Variants in KANK1 observed in about 807,000 individuals in gnomAD.
KANK1 encodes KN motif and ankyrin repeat domains 1, also known as KN motif and ankyrin repeat domain-containing protein 1.
A neutral mutation model predicts 106.2 loss-of-function variants in KANK1; 109 were observed. The observed-to-expected ratio is 1.03, with a 90% CI of 0.88 to 1.20. KANK1 has a LOEUF of 1.20. Ranked by LOEUF, KANK1 falls within the 50% of genes most tolerant of loss-of-function variation. The pLI, the probability that KANK1 is intolerant of heterozygous loss-of-function variation, is 0.00. For synonymous variants in KANK1, 873 were observed against 652.2 expected (o/e 1.34, Z -5.16); for missense variants, 2,399 against 1,710.7 (o/e 1.40, Z -7.10).
intron 1 of KANK1, among the ~76,000 whole-genome samples, chr9:515,936 T>A (rs1038527565): frequency 6.6e-6 from 1 of 151,804 alleles, no homozygotes; most frequent in Non-Finnish European, 1.5e-5. Flanking sequence ...TGAGATTTCT[T>A]CCTTTAGCTT....
intron 3 of KANK1, among the ~76,000 whole-genome samples, chr9:718,242 C>T (rs1589158804): frequency 6.8e-6 from 1 of 146,960 alleles, no homozygotes; most frequent in African/African-American, 2.5e-5. Flanking sequence ...TAGTGGAAGG[C>T]CTAGAAGTCA....
At chr9:706,142 T>G (rs1395492962) in intron 2 of KANK1, among the ~76,000 whole-genome samples, 1 of 152,208 alleles carries the variant, frequency 6.6e-6, no homozygotes, top group Non-Finnish European at 1.5e-5. Context: ...AATGACACCT[T>G]GAAAACACAT....
At position 472,995 on chromosome 9, in the gene KANK1, G is replaced by A. The variant is rs577526794; in HGVS notation, c.-441-199G>A. Among the ~76,000 whole-genome samples, 8 of 152,338 alleles carry A rather than the reference G, an allele frequency of 5.3e-5. No individual in the cohort carries two copies. The South Asian group carries it at 1.7e-3, about 32-fold the overall frequency. ...TGTTATTCAAGTAAAGCTCACTAAAGCTCTTCATGACAAACGGGTATAGTC... is the reference window on the plus strand; with the variant it reads ...TGTTATTCAAGTAAAGCTCACTAAAACTCTTCATGACAAACGGGTATAGTC... On this transcript the variant is annotated intron_variant, in intron 2 of 15. Coordinates refer to the KANK1 transcript ENST00000382303.
At chr9:527,853 T>C (rs973355320) in intron 1 of KANK1, among the ~76,000 whole-genome samples, 1 of 151,390 alleles carries the variant, frequency 6.6e-6, no homozygotes, top group Non-Finnish European at 1.5e-5. Flanking sequence ...CACTTCTCTT[T>C]AAAAGTTTTT....
chr9:536,033 A>G (rs528888439), intron 1 of KANK1, among the ~76,000 whole-genome samples: 28 of 152,170 alleles, frequency 1.8e-4, no homozygotes, highest in African/African-American at 4.3e-4. Flanking sequence ...AAAACCCACA[A>G]ATTTCATGCT....
intron 1 of KANK1, among the ~76,000 whole-genome samples, chr9:511,581 T>C (rs2059028320): frequency 1.3e-5 from 2 of 150,084 alleles, no homozygotes; most frequent in Admixed American, 1.3e-4. Context: ...CAGTCACCTG[T>C]CCAGACTCAA....
intron 10 of KANK1, among the ~76,000 whole-genome samples, chr9:743,059 G>A (rs1166523281): frequency 6.6e-6 from 1 of 152,144 alleles, no homozygotes; most frequent in Non-Finnish European, 1.5e-5. Context: ...CGTGTCTCTA[G>A]GCCAAAGGAC....
At chr9:482,555 C>G (rs1288051914) in intron 3 of KANK1, among the ~76,000 whole-genome samples, 2 of 152,180 alleles carry the variant, frequency 1.3e-5, no homozygotes, top group Non-Finnish European at 2.9e-5. Context: ...ATAACACATG[C>G]AAAGTCATAC....
rs33935286 is a variant in KANK1, at chr9:714,361, ATTTTTTTTT to A, written c.2698+907_2698+915del. Reference sequence around the variant, plus strand: ...GAGAGAAGGGAGTCTTTTCCCACTCATTTTTTTTTTTTTTTTTTGAGACAGAGTCGCTCT... The same window carrying A: ...GAGAGAAGGGAGTCTTTTCCCACTCATTTTTTTTTGAGACAGAGTCGCTCT... On this transcript the variant is annotated intron_variant, in intron 3 of 11. Coordinates refer to ENST00000382297, the MANE Select transcript of KANK1 (RefSeq NM_015158.5). Among the ~76,000 whole-genome samples, 15 of 128,814 alleles carry A rather than the reference ATTTTTTTTT, an allele frequency of 1.2e-4. 1 individual carries two copies. Among genetic ancestry groups the A allele is most frequent in the Middle Eastern group, 4.0e-3 (1 of 250 alleles). The allele number at this position is 128,814 out of a possible 152,430, so 84.5% of individuals were successfully genotyped here. A position where few individuals can be genotyped will look rare whatever the true frequency, so the allele number is the denominator to read the frequency against.
chr9:731,352 G>GGAA, intron 5 of KANK1, 86 bp downstream of exon 5: 1 of 745,762 alleles, frequency 1.3e-6, no homozygotes, highest in Non-Finnish European at 2.3e-6. Flanking sequence ...GCCTAGTCGG[G>GGAA]GAAGCGGCCA....
chr9:580,448 C>G (rs1256128449), intron 1 of KANK1, among the ~76,000 whole-genome samples: 2 of 151,994 alleles, frequency 1.3e-5, no homozygotes, highest in African/African-American at 4.9e-5. Flanking sequence ...CTGGCCCCAC[C>G]CACATCCTGT....
At chr9:650,686 G>A (rs1040271146) in intron 1 of KANK1, among the ~76,000 whole-genome samples, 1 of 152,040 alleles carries the variant, frequency 6.6e-6, no homozygotes, top group South Asian at 2.1e-4. Context: ...TAGAGGTTAG[G>A]GTGAGAGGGA....
intron 1 of KANK1, among the ~76,000 whole-genome samples, chr9:675,492 C>A (rs185862371): frequency 1.0e-3 from 158 of 152,194 alleles, no homozygotes; most frequent in African/African-American, 3.7e-3. Flanking sequence ...AAAGGGGAAA[C>A]AGTATACTTT....
rs1203365611 is a variant in KANK1, at chr9:711,017, G to A, written c.251G>A (p.Gly84Asp). Residue 84 changes from glycine (G) to aspartate (D), a missense_variant, in exon 3 of 12, where the codon GGT (glycine) becomes GAT (aspartate). Physicochemically the swap from Gly to Asp is moderately conservative, Grantham distance 94. Coordinates refer to ENST00000382297, the MANE Select transcript of KANK1 (RefSeq NM_015158.5). Reference sequence around the variant, plus strand: ...CCCAGGACCACATCTGGTCAGCAAGGTATATGGACTTCCACTGAATCCCTC... The same window carrying A: ...CCCAGGACCACATCTGGTCAGCAAGATATATGGACTTCCACTGAATCCCTC... The part of the protein sequence containing the change: ...PEPRTTSGQQ[G>D]IWTSTESLSS... 1 of 1,614,172 alleles carries A rather than the reference G, an allele frequency of 6.2e-7. No individual in the cohort carries two copies.
rs961193624 is a variant in KANK1, at chr9:708,673, C to T, written c.38-2131C>T. ...ATTCACACTGTCGGGTGTAAATGTT[C>T]GGCAGTGCTGGGGGTTGGGAGGGCA... On this transcript the variant is annotated intron_variant, in intron 2 of 11. Transcript: ENST00000382297. Among the ~76,000 whole-genome samples the T allele has an allele frequency of 3.6e-4, 55 of 152,144 alleles. 1 individual carries two copies. Among genetic ancestry groups the T allele is most frequent in the African/African-American group, 1.3e-3 (52 of 41,516 alleles).
At chr9:660,247 A>G in intron 1 of KANK1, 1 of 248,636 alleles carries the variant, frequency 4.0e-6, no homozygotes. Flanking sequence ...CTACAGGGTG[A>G]CCAGCACAAG....
chr9:548,404 G>A (rs1331528353), intron 1 of KANK1, among the ~76,000 whole-genome samples: 4 of 152,256 alleles, frequency 2.6e-5, no homozygotes, highest in South Asian at 4.1e-4. Context: ...ATTGTTGTAC[G>A]TGAACTTGGT....
intron 2 of KANK1, among the ~76,000 whole-genome samples, chr9:689,941 G>T (rs768727421): frequency 6.6e-5 from 10 of 151,886 alleles, no homozygotes; most frequent in Non-Finnish European, 1.2e-4. Flanking sequence ...ATGTGAGATT[G>T]TTTTGATTGT....
intron 3 of KANK1, among the ~76,000 whole-genome samples, chr9:714,504 T>A (rs1827147932): frequency 6.6e-6 from 1 of 151,606 alleles, no homozygotes; most frequent in Non-Finnish European, 1.5e-5. Flanking sequence ...GGACTACAGG[T>A]GCCCACCACT....
Sources: gnomAD v4.1 joint callset for allele counts (sites outside exome capture counted in the v4.1 genomes callset) on GRCh38, gnomAD v4.1.1 for gene constraint, MANE v1.5 for transcripts, NCBI Gene and HGNC (gene_info 2026-07-23, HGNC 2026-07-21) for gene names.